BCAS3: variants seen among roughly 807,000 people sequenced by gnomAD.
BCAS3 encodes the protein BCAS3 microtubule associated cell migration factor.
Under a neutral mutation model 116.1 loss-of-function variants are expected in BCAS3, and 53 were observed. That is an observed-to-expected ratio of 0.46 (90% CI 0.37 to 0.57). The LOEUF is 0.57. Ranked by LOEUF, BCAS3 falls within the 20% of genes least tolerant of loss-of-function variation. BCAS3 has a pLI of 0.00. For synonymous variants in BCAS3, 391 were observed against 408.2 expected, an observed-to-expected ratio of 0.96 and a Z score of 0.51; for missense variants, 917 against 1,165.4, an observed-to-expected ratio of 0.79 and a Z score of 3.10.
intron 5 of BCAS3, among the ~76,000 whole-genome samples, chr17:60,717,359 G>A (rs1253747571): frequency 6.6e-6 from 1 of 151,816 alleles, no homozygotes; most frequent in African/African-American, 2.4e-5. Flanking sequence ...GGGACTACAG[G>A]GATGCGCCAC....
intron 22 of BCAS3, among the ~76,000 whole-genome samples, chr17:61,116,699 C>T (rs2109127): frequency 0.96 from 145,992 of 152,244 alleles, 70,326 homozygotes; most frequent in East Asian, 1. Context: ...TCTTAGTCTT[C>T]CTTCATGTGA....
chr17:61,081,218 T>A (rs185895594), intron 21 of BCAS3, among the ~76,000 whole-genome samples: 1 of 152,292 alleles, frequency 6.6e-6, no homozygotes, highest in East Asian at 1.9e-4. Context: ...CAAGACACTG[T>A]CTCATTTTTT....
At chr17:60,771,214 A>G (rs2044671302) in intron 6 of BCAS3, among the ~76,000 whole-genome samples, 1 of 152,136 alleles carries the variant, frequency 6.6e-6, no homozygotes, top group African/African-American at 2.4e-5. Flanking sequence ...ACATCACATG[A>G]TGTAAAAAGT....
rs2058818996 is a variant in BCAS3 at position 61,367,798 on chromosome 17, A to T, written c.2426-529A>T. The stretch of plus-strand genomic sequence containing the variant: ...CTATATAACCCCTTCTTTAAATGAA[A>T]ATTTATTTATTTATTTATTTATTTA... On this transcript the variant is annotated intron_variant, in intron 22 of 23. Transcript: ENST00000407086. This position sits in a 1 kb window ranked among gnomAD's most constrained non-coding sequence, Gnocchi z 6.2. 6.6e-6 allele frequency: 1 copy of T among 151,960 alleles called. No homozygotes were observed. The highest frequency in any genetic ancestry group is 1.5e-5 in the Non-Finnish European group (1 of 67,998). The allele number at this position is 151,960 out of a possible 1,614,324, so 9.4% of individuals were successfully genotyped here. A position where few individuals can be genotyped will look rare whatever the true frequency, so the allele number is the denominator to read the frequency against.
At position 61,300,814 on chromosome 17, in the gene BCAS3, C is replaced by G. The variant is rs1218409947; in HGVS notation, c.2426-67513C>G. ...ACTCTGATTTTGTTCCAGCAGCTTT[C>G]CTCCTCCCTCCCTCTTCTAGCCTCT... On this transcript the variant is annotated intron_variant, in intron 22 of 23. Transcript: ENST00000407086. The surrounding 1 kb of genome is among the most constrained non-coding windows in gnomAD (Gnocchi z 5.1). Among the ~76,000 whole-genome samples the G allele has an allele frequency of 1.3e-5, 2 of 152,030 alleles. No homozygotes were observed. Among genetic ancestry groups the G allele is most frequent in the Non-Finnish European group, 2.9e-5 (2 of 67,998 alleles).
intron 22 of BCAS3, among the ~76,000 whole-genome samples, chr17:61,129,509 G>T (rs1290645487): frequency 6.6e-6 from 1 of 152,210 alleles, no homozygotes; most frequent in Non-Finnish European, 1.5e-5. Flanking sequence ...TGCTCTGGTT[G>T]CCATGTGTCT....
chr17:60,846,423 G>C (rs576600618), intron 7 of BCAS3, among the ~76,000 whole-genome samples: 3 of 152,188 alleles, frequency 2.0e-5, no homozygotes, highest in Non-Finnish European at 4.4e-5. Flanking sequence ...GTACTCTGCT[G>C]TTACTGGGTA....
intron 5 of BCAS3, among the ~76,000 whole-genome samples, chr17:60,729,334 A>G (rs975018716): frequency 7.2e-6 from 1 of 139,666 alleles, no homozygotes; most frequent in Non-Finnish European, 1.5e-5. Flanking sequence ...TTTTTTTTTA[A>G]GATACCTAGT....
chr17:61,296,793 C>T (rs771299986), intron 22 of BCAS3, among the ~76,000 whole-genome samples: 16 of 152,102 alleles, frequency 1.1e-4, no homozygotes, highest in African/African-American at 2.4e-4. Context: ...TTGCAAAGTC[C>T]GTTTACAAGA....
intron 22 of BCAS3, among the ~76,000 whole-genome samples, chr17:61,179,273 C>CTTT (rs34316965): frequency 6.2e-5 from 8 of 129,930 alleles, no homozygotes; most frequent in South Asian, 5.0e-4. Flanking sequence ...AAGAAAAAGC[C>CTTT]TTTTTTTTTT....
At chr17:60,794,712 G>GT (rs2047063984) in intron 6 of BCAS3, among the ~76,000 whole-genome samples, 2 of 152,150 alleles carry the variant, frequency 1.3e-5, no homozygotes, top group African/African-American at 4.8e-5. Context: ...TCAGTTGACT[G>GT]TAAGTATTTG....
At chr17:60,839,094 T>G (rs1015675111) in intron 7 of BCAS3, among the ~76,000 whole-genome samples, 1 of 152,240 alleles carries the variant, frequency 6.6e-6, no homozygotes, top group Non-Finnish European at 1.5e-5. Context: ...TGTATATATG[T>G]AAATAAACTG....
At chr17:61,042,891 C>CCAAAAAA (rs1555682922) in intron 19 of BCAS3, among the ~76,000 whole-genome samples, 27 of 58,296 alleles carry the variant, frequency 4.6e-4, no homozygotes, top group African/African-American at 1.5e-3. Flanking sequence ...CTCCATCTCA[C>CCAAAAAA]AAAAAAAAAA....
At position 61,215,778 on chromosome 17, in the gene BCAS3, C is replaced by T. The variant is rs2081746216; in HGVS notation, c.2425+131214C>T. ...GTCTCTTAGTGCAGTAGTTCTCAACCTTGACTATATATTAGAATTCCTTGG... is the reference window on the plus strand; with the variant it reads ...GTCTCTTAGTGCAGTAGTTCTCAACTTTGACTATATATTAGAATTCCTTGG... On this transcript the variant is annotated intron_variant, in intron 22 of 23. Coordinates refer to ENST00000407086, the MANE Select transcript of BCAS3 (RefSeq NM_017679.5). The surrounding 1 kb of genome is among the most constrained non-coding windows in gnomAD (Gnocchi z 4.8). 6.6e-6 allele frequency among the ~76,000 whole-genome samples: 1 copy of T among 152,134 alleles called. No homozygotes were observed. Among genetic ancestry groups the T allele is most frequent in the Non-Finnish European group, 1.5e-5 (1 of 68,014 alleles).
chr17:61,272,635 T>TAAAAA (rs2050386315), intron 22 of BCAS3, among the ~76,000 whole-genome samples: 1 of 5,792 alleles, frequency 1.7e-4, no homozygotes, highest in African/African-American at 4.3e-4. Flanking sequence ...AAACCCTGTC[T>TAAAAA]CAAAAAAAAA....
rs145565642 is a variant in BCAS3, at chr17:61,381,435, G to A, written c.2594-10542G>A. On this transcript the variant is annotated intron_variant, in intron 23 of 23. Transcript: ENST00000407086. This position sits in a 1 kb window ranked among gnomAD's most constrained non-coding sequence, Gnocchi z 6.0. ...CTGAGACTGTGATCCTTTCCCAGCCGCGGCGTGTGGGCTTGAGACACAGGC... is the reference window on the plus strand; with the variant it reads ...CTGAGACTGTGATCCTTTCCCAGCCACGGCGTGTGGGCTTGAGACACAGGC... Among the ~76,000 whole-genome samples, 16 of 152,242 alleles carry A rather than the reference G, an allele frequency of 1.1e-4. No individual in the cohort carries two copies. In the East Asian group the frequency reaches 2.1e-3, roughly 20 times the overall value.
intron 22 of BCAS3, among the ~76,000 whole-genome samples, chr17:61,201,127 C>T (rs1258621650): frequency 6.6e-6 from 1 of 152,064 alleles, no homozygotes; most frequent in Non-Finnish European, 1.5e-5. Context: ...CATTTTAACC[C>T]GAACCTAAAA....
Position 60,757,314 on chromosome 17 carries a change from CAAA to C in BCAS3, c.403+10040_403+10042del, listed in dbSNP as rs2043084023. On this transcript the variant is annotated intron_variant, in intron 6 of 23. Coordinates refer to ENST00000407086, the MANE Select transcript of BCAS3 (RefSeq NM_017679.5). The stretch of plus-strand genomic sequence containing the variant: ...TGGGCGACAGAGCAAGACTCTGTCT[CAAA>C]AAAATAATAATAATAAATAAATAAA... 3.0e-4 allele frequency among the ~76,000 whole-genome samples: 17 copies of C among 56,044 alleles called. No individual in the cohort carries two copies. In the Admixed American group the frequency reaches 4.2e-3, roughly 14 times the overall value. The allele number at this position is 56,044 out of a possible 152,430, so 36.8% of individuals were successfully genotyped here.
chr17:60,767,135 G>A (rs1443499773), intron 6 of BCAS3, among the ~76,000 whole-genome samples: 1 of 152,118 alleles, frequency 6.6e-6, no homozygotes, highest in Non-Finnish European at 1.5e-5. Flanking sequence ...AAAATCCCCC[G>A]ACCCTTTGCG....
Sources: allele counts gnomAD v4.1 joint callset (sites outside exome capture counted in the v4.1 genomes callset), GRCh38; gene constraint gnomAD v4.1.1; non-coding constraint Gnocchi (gnomAD v3.1); transcripts MANE v1.5; gene names NCBI Gene and HGNC (gene_info 2026-07-23, HGNC 2026-07-21).